Variants in ATRN observed in about 807,000 individuals in gnomAD.
ATRN encodes attractin-2.
Under a neutral mutation model 178.7 loss-of-function variants are expected in ATRN, and 54 were observed. The ratio of observed to expected loss-of-function variants is 0.30; its 90% CI spans 0.24 to 0.38. The LOEUF (loss-of-function observed/expected upper bound fraction) is 0.38, where lower values mean the gene tolerates loss of function less well. ATRN is among the 10% of genes least tolerant of loss of function. The pLI, the probability that ATRN is intolerant of heterozygous loss-of-function variation, is 1.00. For missense variants in ATRN, 1,443 were observed against 1,815.1 expected (o/e 0.79, Z 3.73); for synonymous variants, 636 against 663.0 (o/e 0.96, Z 0.63).
intron 3 of ATRN, among the ~76,000 whole-genome samples, chr20:3,543,962 AG>A (rs2146196094): frequency 6.6e-6 from 1 of 152,228 alleles, no homozygotes; most frequent in Admixed American, 6.5e-5. Context: ...TGAGCCCAGG[AG>A]GTCAAGACTG....
intron 15 of ATRN, among the ~76,000 whole-genome samples, chr20:3,579,566 G>A (rs969238515): frequency 5.9e-5 from 9 of 152,150 alleles, no homozygotes; most frequent in African/African-American, 2.2e-4. Flanking sequence ...AAAGAAGAGA[G>A]CACCTTCTTG....
chr20:3,522,979 A>G (rs1455093799), intron 1 of ATRN, among the ~76,000 whole-genome samples: 4 of 152,178 alleles, frequency 2.6e-5, no homozygotes, highest in Non-Finnish European at 5.9e-5. Flanking sequence ...AAAAGGCTGA[A>G]AATTCCAAAA....
intron 24 of ATRN, among the ~76,000 whole-genome samples, chr20:3,608,254 C>T (rs962609104): frequency 2.6e-5 from 4 of 151,988 alleles, no homozygotes; most frequent in Admixed American, 6.6e-5. Flanking sequence ...CCTGTGATTT[C>T]GACATCTTAC....
intron 24 of ATRN, among the ~76,000 whole-genome samples, chr20:3,623,650 T>A (rs2086914085): frequency 6.6e-6 from 1 of 152,144 alleles, no homozygotes; most frequent in East Asian, 1.9e-4. Flanking sequence ...ATAGTACCAT[T>A]GTCTCTCCAA....
At chr20:3,545,173 C>A (rs1257689041) in intron 3 of ATRN, among the ~76,000 whole-genome samples, 2 of 151,904 alleles carry the variant, frequency 1.3e-5, no homozygotes, top group Non-Finnish European at 2.9e-5. Flanking sequence ...TCAAGACCAG[C>A]CTGGCCTACA....
At chr20:3,631,745 C>G (rs374738503) in intron 25 of ATRN, among the ~76,000 whole-genome samples, 150 of 152,348 alleles carry the variant, frequency 9.8e-4, no homozygotes, top group African/African-American at 3.4e-3. Flanking sequence ...CCTCGCCTCT[C>G]AGCAGCAGCG....
chr20:3,591,807 C>G (rs1210011909), intron 19 of ATRN, among the ~76,000 whole-genome samples: 1 of 152,184 alleles, frequency 6.6e-6, no homozygotes, highest in Non-Finnish European at 1.5e-5. Flanking sequence ...CCCTCCTCCC[C>G]CCATCAGGAG....
chr20:3,558,062 C>T (rs1457764680), intron 6 of ATRN, among the ~76,000 whole-genome samples: 3 of 152,216 alleles, frequency 2.0e-5, no homozygotes, highest in African/African-American at 7.2e-5. Context: ...AGTTGAAGTC[C>T]CTTGCATGTC....
intron 1 of ATRN, among the ~76,000 whole-genome samples, chr20:3,487,945 C>G (rs2084719180): frequency 6.6e-6 from 1 of 152,112 alleles, no homozygotes; most frequent in Admixed American, 6.5e-5. Context: ...GCTCTCGGTT[C>G]CAATTCCCTG....
Position 3,471,362 on chromosome 20 carries a change from G to A in ATRN, c.255G>A (p.Ala85=). ...TGCCCTGTGAGGCCGAGGCCGCGGCGGCGGCGGCGGCGGTGTCGGGCTCAG... is the reference window on the plus strand; with the variant it reads ...TGCCCTGTGAGGCCGAGGCCGCGGCAGCGGCGGCGGCGGTGTCGGGCTCAG... ...LLLPCEAEAA[A]AAAAVSGSAA... Residue 85 remains alanine (A), a synonymous_variant, in exon 1 of 29, where the codon GCG becomes GCA. Transcript: ENST00000262919. The A allele has an allele frequency of 1.4e-6, 2 of 1,480,288 alleles. No homozygotes were observed. Among genetic ancestry groups the A allele is most frequent in the Non-Finnish European group, 1.8e-6 (2 of 1,125,002 alleles). 91.7% of individuals were successfully genotyped at this position (1,480,288 alleles called of 1,614,324 possible).
intron 1 of ATRN, among the ~76,000 whole-genome samples, chr20:3,529,969 A>G (rs1342952473): frequency 1.3e-5 from 2 of 152,098 alleles, no homozygotes; most frequent in Non-Finnish European, 2.9e-5. Context: ...TGAAAACTTG[A>G]TAAGTAAAGC....
intron 23 of ATRN, among the ~76,000 whole-genome samples, chr20:3,603,176 G>A (rs937662534): frequency 6.6e-6 from 1 of 152,014 alleles, no homozygotes. Context: ...CCAGATTAGG[G>A]GGACTTAAAT....
intron 1 of ATRN, among the ~76,000 whole-genome samples, chr20:3,504,688 GATAATAATAATAATAATA>G (rs60176330): frequency 0.018 from 2,505 of 135,916 alleles, 68 homozygotes; most frequent in African/African-American, 0.055. Context: ...TCTGTCTTAA[GATAATAATAATAATAATA>G]ATAATAATAA....
At chr20:3,592,468 G>A (rs1476285478) in intron 19 of ATRN, 5 of 982,484 alleles carry the variant, frequency 5.1e-6, no homozygotes, top group Non-Finnish European at 6.0e-6. Context: ...AAGCCTGCAA[G>A]CAATAGGACA....
chr20:3,519,500 A>G (rs1006396941), intron 1 of ATRN, among the ~76,000 whole-genome samples: 3 of 152,232 alleles, frequency 2.0e-5, no homozygotes, highest in Admixed American at 6.5e-5. Flanking sequence ...TGGAGAGCAA[A>G]TGTATAAAGA....
chr20:3,522,764 C>A (rs2085313438), intron 1 of ATRN, among the ~76,000 whole-genome samples: 1 of 152,060 alleles, frequency 6.6e-6, no homozygotes. Flanking sequence ...GTGGTGATAC[C>A]CAGGCAAATA....
chr20:3,580,646 G>C (rs2086270698), intron 15 of ATRN, among the ~76,000 whole-genome samples: 1 of 152,154 alleles, frequency 6.6e-6, no homozygotes, highest in Non-Finnish European at 1.5e-5. Flanking sequence ...GATTTAATTA[G>C]TGCCCCCATC....
intron 24 of ATRN, among the ~76,000 whole-genome samples, chr20:3,618,014 G>T (rs1001162578): frequency 6.2e-4 from 95 of 152,284 alleles, no homozygotes; most frequent in African/African-American, 2.1e-3. Flanking sequence ...GGGTCTGAGG[G>T]CTCCTCCCTG....
intron 11 of ATRN, among the ~76,000 whole-genome samples, chr20:3,569,174 A>C (rs1349713836): frequency 4.6e-5 from 7 of 152,242 alleles, no homozygotes; most frequent in Non-Finnish European, 8.8e-5. Context: ...CAATCTGCAG[A>C]TATGGTCATG....
Sources: allele counts gnomAD v4.1 joint callset (sites outside exome capture counted in the v4.1 genomes callset), GRCh38; gene constraint gnomAD v4.1.1; transcripts MANE v1.5; gene names NCBI Gene and HGNC (gene_info 2026-07-23, HGNC 2026-07-21).